The following LIPG variants were observed in gnomAD, a reference collection of about 807,000 sequenced individuals.
LIPG encodes the protein lipase G, endothelial type, also known as endothelial lipase.
Under a neutral mutation model 51.8 loss-of-function variants are expected in LIPG, and 34 were observed. The observed-to-expected ratio is 0.66, with a 90% CI of 0.50 to 0.87. The LOEUF is 0.87. LIPG is among the 40% of genes least tolerant of loss of function. The pLI is 0.00. For missense variants in LIPG, 580 were observed against 652.7 expected (o/e 0.89, Z 1.21); for synonymous variants, 246 against 246.1 (o/e 1.00, Z 0.00).
chr18:49,577,725 A>G lies in LIPG; in HGVS notation c.793+2135A>G, dbSNP rs1366359274. ...CCCCCCAACCTCCCTCCCGGATGGC[A>G]CGGCTGGCCGGGCGGGGGGGCTGAC... is the stretch of plus-strand genomic sequence containing the variant. On this transcript the variant is annotated intron_variant, in intron 5 of 9. Transcript: ENST00000261292. Among the ~76,000 whole-genome samples the G allele has an allele frequency of 4.2e-4, 28 of 67,380 alleles. No individual in the cohort carries two copies. The East Asian group carries it at 7.5e-3, about 18-fold the overall frequency. 44.2% of individuals were successfully genotyped at this position (67,380 alleles called of 152,430 possible).
At chr18:49,562,427 T>TC (rs1427687034) in intron 1 of LIPG, 22 bp downstream of exon 1, 1 of 1,598,970 alleles carries the variant, frequency 6.3e-7, no homozygotes, top group Non-Finnish European at 8.6e-7. Flanking sequence ...TTGTTTTTAT[T>TC]CCCCCCAGCC....
intron 9 of LIPG, among the ~76,000 whole-genome samples, chr18:49,587,131 G>A (rs926517349): frequency 2.6e-5 from 4 of 151,454 alleles, no homozygotes; most frequent in East Asian, 3.9e-4. Flanking sequence ...AAAGAATGCC[G>A]GGCATGGTGG....
chr18:49,575,599 C>G lies in LIPG; in HGVS notation c.793+9C>G, dbSNP rs2084707922. 2 of 1,610,240 alleles carry G rather than the reference C, an allele frequency of 1.2e-6. No individual in the cohort carries two copies. The highest frequency in any genetic ancestry group is 1.7e-6 in the Non-Finnish European group (2 of 1,177,136). On this transcript the variant is annotated intron_variant, in intron 5 of 9. Transcript: ENST00000261292. The stretch of plus-strand genomic sequence containing the variant: ...ATCAATTGCATATGGAAGTGAGTTC[C>G]CTCTTTTCTGCTTTGTGTTTGACTC...
At position 49,583,005 on chromosome 18, in the gene LIPG, G is replaced by A. The variant is rs114794018; in HGVS notation, c.1157+523G>A. Among the ~76,000 whole-genome samples, 1,517 of 152,222 alleles carry A rather than the reference G, an allele frequency of 1.0e-2. 25 individuals are homozygous for A. The highest frequency in any genetic ancestry group is 0.035 in the African/African-American group (1,442 of 41,532). On this transcript the variant is annotated intron_variant, in intron 7 of 9. Transcript: ENST00000261292. The stretch of plus-strand genomic sequence containing the variant: ...TAGCTGGGAGACCAGGTTTGTACAC[G>A]CACGTGCACACTTACACACAGGTAG...
chr18:49,575,430 C>G lies in LIPG; in HGVS notation c.633C>G (p.Asp211Glu). 6.2e-7 allele frequency: 1 copy of G among 1,614,118 alleles called. No homozygotes were observed. Among genetic ancestry groups the G allele is most frequent in the Non-Finnish European group, 8.5e-7 (1 of 1,180,054 alleles). The change falls in exon 5 of 10, where the codon GAC becomes GAG. Residue 211 changes from aspartate (D) to glutamate (E), a missense_variant. Physicochemically the swap from Asp to Glu is conservative, Grantham distance 45. Coordinates refer to ENST00000261292, the MANE Select transcript of LIPG (RefSeq NM_006033.4). ...GADIHKRLSP[D>E]DADFVDVLHT... ...ACATCCACAAGAGGCTCTCTCCGGA[C>G]GATGCAGATTTTGTGGATGTCCTCC...
At position 49,598,897 on chromosome 18, in the gene LIPG, T is replaced by A. The variant is rs1253378787; in HGVS notation, c.*8375T>A. On this transcript the variant is annotated 3_prime_UTR_variant, in exon 10 of 10. Transcript: ENST00000261292. ...TGTGTCTGCCTTCTTGTACTCAGCA[T>A]AATTATTTTGAGATTCATCCACGTC... is the stretch of plus-strand genomic sequence containing the variant. 1 of 152,236 alleles carries A rather than the reference T, an allele frequency of 6.6e-6. No homozygotes were observed. The highest frequency in any genetic ancestry group is 2.4e-5 in the African/African-American group (1 of 41,462). 9.4% of individuals were successfully genotyped at this position (152,236 alleles called of 1,614,324 possible). A position where few individuals can be genotyped will look rare whatever the true frequency, so the allele number is the denominator to read the frequency against.
At chr18:49,569,949 G>A (rs574325415) in intron 4 of LIPG, among the ~76,000 whole-genome samples, 1 of 152,306 alleles carries the variant, frequency 6.6e-6, no homozygotes, top group East Asian at 1.9e-4. Context: ...CTTGCCCAGG[G>A]GCAAACAGCT....
intron 3 of LIPG, among the ~76,000 whole-genome samples, chr18:49,568,969 GT>G (rs2084635331): frequency 1.3e-5 from 2 of 152,264 alleles, no homozygotes; most frequent in South Asian, 4.1e-4. Flanking sequence ...CAAGTCTGGG[GT>G]CCCACATGGG....
rs928947362 is a variant in LIPG at position 49,593,287 on chromosome 18, C to T, written c.*2765C>T. On this transcript the variant is annotated 3_prime_UTR_variant, in exon 10 of 10. Coordinates refer to ENST00000261292, the MANE Select transcript of LIPG (RefSeq NM_006033.4). ...ATAGCTGCCCCAACCTAGAGTCTGA[C>T]AAAAAGTTACTCTAATATAAGGCAT... The T allele has an allele frequency of 6.6e-6, 1 of 152,078 alleles. No homozygotes were observed. The highest frequency in any genetic ancestry group is 2.4e-5 in the African/African-American group (1 of 41,404). The allele number at this position is 152,078 out of a possible 1,614,324, so 9.4% of individuals were successfully genotyped here.
rs1187646004 is a variant in LIPG at position 49,594,562 on chromosome 18, T to G, written c.*4040T>G. The G allele has an allele frequency of 6.6e-6, 1 of 152,252 alleles. No individual in the cohort carries two copies. Among genetic ancestry groups the G allele is most frequent in the African/African-American group, 2.4e-5 (1 of 41,472 alleles). 9.4% of individuals were successfully genotyped at this position (152,252 alleles called of 1,614,324 possible). A position where few individuals can be genotyped will look rare whatever the true frequency, so the allele number is the denominator to read the frequency against. ...TATCAGGAATTAGTTTTTTCTCTGC[T>G]AAAGCCAGCGAGATAGACCAGAGTA... On this transcript the variant is annotated 3_prime_UTR_variant, in exon 10 of 10. Transcript: ENST00000261292.
rs34597464 is a variant in LIPG, at chr18:49,576,457, C to CTTTTTT, written c.793+889_793+894dup. On this transcript the variant is annotated intron_variant, in intron 5 of 9. Coordinates refer to ENST00000261292, the MANE Select transcript of LIPG (RefSeq NM_006033.4). ...TCTTTTTTTAAAAGACAGAATCTTG[C>CTTTTTT]TTTTTTTTTTTTTTTTTTTTTTTTT... Among the ~76,000 whole-genome samples, 303 of 51,466 alleles carry CTTTTTT rather than the reference C, an allele frequency of 5.9e-3. 94 individuals carry two copies. The highest frequency in any genetic ancestry group is 8.2e-3 in the African/African-American group (97 of 11,792). 33.8% of individuals were successfully genotyped at this position (51,466 alleles called of 152,430 possible).
rs536029533 is a variant in LIPG, at chr18:49,593,528, C to T, written c.*3006C>T. The T allele has an allele frequency of 6.6e-6, 1 of 152,324 alleles. No individual in the cohort carries two copies. The highest frequency in any genetic ancestry group is 1.9e-4 in the East Asian group (1 of 5,180). The allele number at this position is 152,324 out of a possible 1,614,324, so 9.4% of individuals were successfully genotyped here. A position where few individuals can be genotyped will look rare whatever the true frequency, so the allele number is the denominator to read the frequency against. ...GTTTGGTTGAATTGGAACTAGATAT[C>T]AGTGACTTAGACCAGAGGGAAGCTG... On this transcript the variant is annotated 3_prime_UTR_variant, in exon 10 of 10. Transcript: ENST00000261292.
chr18:49,571,244 T>C (rs190743944), intron 4 of LIPG, among the ~76,000 whole-genome samples: 8 of 152,262 alleles, frequency 5.3e-5, no homozygotes, highest in Non-Finnish European at 1.0e-4. Flanking sequence ...ATGAGAGGTG[T>C]GATGTTTCAG....
At position 49,581,590 on chromosome 18, in the gene LIPG, C is replaced by T. The variant is rs766018792; in HGVS notation, c.969C>T (p.Ala323=). The change falls in exon 6 of 10, where the codon GCC becomes GCT. Residue 323 remains alanine (A), a synonymous_variant. Transcript: ENST00000261292. ...GTTGTAATAGCATTGGCTACAATGC[C>T]AAGAAAATGAGGAACAAGAGGAACA... ...KNRCNSIGYN[A]KKMRNKRNSK... is the part of the protein sequence containing the mutation. The T allele has an allele frequency of 6.2e-7, 1 of 1,614,134 alleles. No homozygotes were observed. Among genetic ancestry groups the T allele is most frequent in the Non-Finnish European group, 8.5e-7 (1 of 1,180,020 alleles).
intron 1 of LIPG, among the ~76,000 whole-genome samples, chr18:49,562,708 G>T (rs1489623717): frequency 6.8e-6 from 1 of 147,848 alleles, no homozygotes; most frequent in African/African-American, 2.5e-5. Flanking sequence ...CCAGCCAGCC[G>T]AGCGGCCTGG....
chr18:49,577,796 T>C (rs1600555480), intron 5 of LIPG, among the ~76,000 whole-genome samples: 2 of 106,156 alleles, frequency 1.9e-5, no homozygotes, highest in Admixed American at 8.4e-5. Flanking sequence ...GGCGGGGGGC[T>C]GACCCCCCCA....
At chr18:49,578,125 C>G (rs1188924092) in intron 5 of LIPG, among the ~76,000 whole-genome samples, 2 of 136,546 alleles carry the variant, frequency 1.5e-5, no homozygotes, top group South Asian at 4.8e-4. Flanking sequence ...GGGGCTGACC[C>G]CCCCCCACCT....
rs190420143 is a variant in LIPG at position 49,588,329 on chromosome 18, C to T, written c.1481+1479C>T. ...ACAAAGTCTCACTCTATCGCTCAGG[C>T]TGGAGTGCAGTGGAGTGATCTTGGC... On this transcript the variant is annotated intron_variant, in intron 9 of 9. Coordinates refer to ENST00000261292, the MANE Select transcript of LIPG (RefSeq NM_006033.4). Among the ~76,000 whole-genome samples, 600 of 148,458 alleles carry T rather than the reference C, an allele frequency of 4.0e-3. 5 individuals carry two copies. The highest frequency in any genetic ancestry group is 0.014 in the African/African-American group (574 of 39,984).
intron 1 of LIPG, among the ~76,000 whole-genome samples, chr18:49,563,082 G>A (rs578198730): frequency 6.6e-6 from 1 of 152,304 alleles, no homozygotes; most frequent in African/African-American, 2.4e-5. Flanking sequence ...TTGCCCTGGG[G>A]GAGCCAGAGT....
Sources: allele counts gnomAD v4.1 joint callset (sites outside exome capture counted in the v4.1 genomes callset), GRCh38; gene constraint gnomAD v4.1.1; transcripts MANE v1.5; gene names NCBI Gene and HGNC (gene_info 2026-07-23, HGNC 2026-07-21).